The following PCED1B variants were observed in gnomAD, a reference collection of about 807,000 sequenced individuals.
PCED1B encodes PC-esterase domain-containing protein 1B.
For missense variants in PCED1B, 573 were observed against 573.9 expected (o/e 1.00, Z 0.02); for synonymous variants, 251 against 246.1 (o/e 1.02, Z -0.19).
At chr12:47,100,741 T>G (rs1938666166) in intron 1 of PCED1B, among the ~76,000 whole-genome samples, 1 of 152,212 alleles carries the variant, frequency 6.6e-6, no homozygotes, top group Admixed American at 6.5e-5. Context: ...TAAGTCTATG[T>G]CTTCTTCACT....
chr12:47,110,423 C>T (rs995875455), intron 2 of PCED1B, among the ~76,000 whole-genome samples: 8 of 152,170 alleles, frequency 5.3e-5, no homozygotes, highest in East Asian at 1.9e-4. Flanking sequence ...GAATTGCAAA[C>T]ATATTTCACC....
At chr12:47,103,596 C>T (rs1425396632) in intron 1 of PCED1B, among the ~76,000 whole-genome samples, 5 of 135,276 alleles carry the variant, frequency 3.7e-5, no homozygotes. Context: ...ACCAATCAAC[C>T]AAGTAATGAA....
Position 47,147,520 on chromosome 12 carries a change from T to C in PCED1B, c.-526+43325T>C, listed in dbSNP as rs79148442. Among the ~76,000 whole-genome samples the C allele has an allele frequency of 2.1e-3, 324 of 152,352 alleles. 6 individuals are homozygous for C. The highest frequency in any genetic ancestry group is 0.014 in the East Asian group (74 of 5,192). On this transcript the variant is annotated intron_variant, in intron 2 of 3. Transcript: ENST00000546455. ...TTTACCATCCATATTCTATTTCTAC[T>C]GATATCTATTTACTCTCCATATTTC...
At chr12:47,084,692 A>C (rs1038223639) in intron 1 of PCED1B, among the ~76,000 whole-genome samples, 54 of 152,240 alleles carry the variant, frequency 3.5e-4, no homozygotes, top group African/African-American at 1.2e-3. Flanking sequence ...GGTTAGCTGC[A>C]CTTTAACTTA....
Position 47,089,461 on chromosome 12 carries a change from C to CATATATATATATATAT in PCED1B, c.-609+9753_-609+9768dup, listed in dbSNP as rs1217283440. Among the ~76,000 whole-genome samples, 166 of 63,326 alleles carry CATATATATATATATAT rather than the reference C, an allele frequency of 2.6e-3. 1 individual carries two copies. The highest frequency in any genetic ancestry group is 4.5e-3 in the African/African-American group (75 of 16,494). The allele number at this position is 63,326 out of a possible 152,430, so 41.5% of individuals were successfully genotyped here. On this transcript the variant is annotated intron_variant, in intron 1 of 3. Coordinates refer to ENST00000546455, the MANE Select transcript of PCED1B (RefSeq NM_138371.3). ...GACTCCATCTCAAAAAAAAAAAATA[C>CATATATATATATATAT]ATATATATATATATATATATATATA... is the stretch of plus-strand genomic sequence containing the variant.
intron 2 of PCED1B, among the ~76,000 whole-genome samples, chr12:47,156,230 C>T (rs1941187919): frequency 1.3e-5 from 2 of 152,010 alleles, no homozygotes; most frequent in African/African-American, 4.8e-5. Flanking sequence ...AAATATAAAG[C>T]CTTGAGGTAG....
At chr12:47,089,461 CAT>C (rs1217283440) in intron 1 of PCED1B, among the ~76,000 whole-genome samples, 3,523 of 63,314 alleles carry the variant, frequency 0.056, 160 homozygotes, top group Middle Eastern at 0.081. Context: ...AAAAAAAATA[CAT>C]ATATATATAT....
chr12:47,136,704 T>C (rs987167748), intron 2 of PCED1B, among the ~76,000 whole-genome samples: 7 of 152,240 alleles, frequency 4.6e-5, no homozygotes, highest in Non-Finnish European at 1.0e-4. Context: ...GAGATAGTAT[T>C]AGGCAAATAT....
At chr12:47,217,244 C>T (rs1047621956) in intron 3 of PCED1B, among the ~76,000 whole-genome samples, 4 of 151,266 alleles carry the variant, frequency 2.6e-5, no homozygotes, top group African/African-American at 9.7e-5. Flanking sequence ...CTAAAAAAAA[C>T]TATAAAAATT....
rs57171859 is a variant in PCED1B at position 47,119,966 on chromosome 12, CATAATAATAATA to C, written c.-526+15785_-526+15796del. On this transcript the variant is annotated intron_variant, in intron 2 of 3. Transcript: ENST00000546455. The stretch of plus-strand genomic sequence containing the variant: ...GGGGGACAGAGTGAGACTCTGTCTC[CATAATAATAATA>C]ATAATAATAATAAAATGATTAATTG... Among the ~76,000 whole-genome samples, 3 of 148,224 alleles carry C rather than the reference CATAATAATAATA, an allele frequency of 2.0e-5. No homozygotes were observed. In the East Asian group the frequency reaches 6.0e-4, roughly 30 times the overall value.
chr12:47,142,285 T>C (rs1940625509), intron 2 of PCED1B, among the ~76,000 whole-genome samples: 1 of 152,154 alleles, frequency 6.6e-6, no homozygotes, highest in Non-Finnish European at 1.5e-5. Context: ...TCAACTGCAA[T>C]CCTGGTGGCA....
At position 47,236,508 on chromosome 12, in the gene PCED1B, A is replaced by G. The variant is rs536440912; in HGVS notation, c.*146A>G. ...CTTCCTTTTGTTCATTGCTGTTACC[A>G]AGAAAGCCAAGGAAGAGCAGCCTGA... On this transcript the variant is annotated 3_prime_UTR_variant, in exon 4 of 4. Transcript: ENST00000546455. The G allele has an allele frequency of 1.8e-5, 15 of 836,372 alleles. No individual in the cohort carries two copies. In the African/African-American group the frequency reaches 2.3e-4, roughly 13 times the overall value. The allele number at this position is 836,372 out of a possible 1,614,324, so 51.8% of individuals were successfully genotyped here.
At chr12:47,209,510 T>A (rs1398246248) in intron 2 of PCED1B, 4 of 152,140 alleles carry the variant, frequency 2.6e-5, no homozygotes, top group African/African-American at 9.7e-5. Flanking sequence ...TAATAATGAA[T>A]ACATGAATAT....
chr12:47,189,759 C>G (rs904819498), intron 2 of PCED1B, among the ~76,000 whole-genome samples: 1 of 152,202 alleles, frequency 6.6e-6, no homozygotes. Flanking sequence ...GACTAGGAGC[C>G]AAACTCTTGA....
chr12:47,217,280 T>C (rs543203051), intron 3 of PCED1B, among the ~76,000 whole-genome samples: 7 of 151,620 alleles, frequency 4.6e-5, no homozygotes, highest in African/African-American at 1.7e-4. Context: ...CACAGGCCTG[T>C]AGTCCCAGCT....
chr12:47,143,043 G>A (rs896863087), intron 2 of PCED1B, among the ~76,000 whole-genome samples: 16 of 151,962 alleles, frequency 1.1e-4, no homozygotes, highest in African/African-American at 3.9e-4. Context: ...AACTTATTAG[G>A]TATAGAAACA....
rs1298372817 is a variant in PCED1B at position 47,235,465 on chromosome 12, C to A, written c.402C>A (p.Asn134Lys). The A allele has an allele frequency of 6.2e-7, 1 of 1,614,038 alleles. No homozygotes were observed. The highest frequency in any genetic ancestry group is 8.5e-7 in the Non-Finnish European group (1 of 1,179,944). The change falls in exon 4 of 4, where the codon AAC becomes AAA. Residue 134 changes from asparagine to lysine, a missense_variant. Asn to Lys is a moderately conservative substitution (Grantham distance 94, BLOSUM62 0). Coordinates refer to ENST00000546455, the MANE Select transcript of PCED1B (RefSeq NM_138371.3). Reference protein sequence around the residue: ...CLWDISRYGPNSWRSYLENLE... With the variant: ...CLWDISRYGPKSWRSYLENLE... Reference sequence around the variant, plus strand: ...GGGACATCTCCAGGTATGGTCCGAACTCCTGGAGAAGCTACCTGGAGAACC... The same window carrying A: ...GGGACATCTCCAGGTATGGTCCGAAATCCTGGAGAAGCTACCTGGAGAACC...
Position 47,088,026 on chromosome 12 carries a change from T to C in PCED1B, c.-609+8301T>C, listed in dbSNP as rs562963115. ...TATTAACTATATAACTCTAGGTAAA[T>C]GACTCAACCTTTTGGATTCTCAGCT... On this transcript the variant is annotated intron_variant, in intron 1 of 3. Coordinates refer to ENST00000546455, the MANE Select transcript of PCED1B (RefSeq NM_138371.3). Among the ~76,000 whole-genome samples, 475 of 152,302 alleles carry C rather than the reference T, an allele frequency of 3.1e-3. 1 individual carries two copies. The highest frequency in any genetic ancestry group is 5.8e-3 in the Non-Finnish European group (395 of 68,020).
At chr12:47,082,805 G>A (rs1937805819) in intron 1 of PCED1B, among the ~76,000 whole-genome samples, 1 of 152,072 alleles carries the variant, frequency 6.6e-6, no homozygotes, top group Non-Finnish European at 1.5e-5. Flanking sequence ...AGACGTTTCT[G>A]CCAGGGTGGT....
Sources: gnomAD v4.1 joint callset for allele counts (sites outside exome capture counted in the v4.1 genomes callset) on GRCh38, gnomAD v4.1.1 for gene constraint, MANE v1.5 for transcripts, NCBI Gene and HGNC (gene_info 2026-07-23, HGNC 2026-07-21) for gene names.